LRRN4: variants seen among roughly 807,000 people sequenced by gnomAD.
The protein encoded by LRRN4 is leucine-rich repeat neuronal protein 4.
LRRN4 carries 26 observed loss-of-function variants against 22.3 expected under a neutral mutation model. That is an observed-to-expected ratio of 1.16 (90% CI 0.85 to 1.62). The LOEUF is 1.62. Ranked by LOEUF, LRRN4 falls within the 40% of genes most tolerant of loss-of-function variation. LRRN4 has a pLI of 0.00. For synonymous variants in LRRN4, 496 were observed against 486.2 expected (o/e 1.02, Z -0.26); for missense variants, 1,070 against 1,008.5 (o/e 1.06, Z -0.83).
rs779819405 is a variant in LRRN4 at position 6,041,004 on chromosome 20, G to A, written c.*18C>T. 11 of 1,612,838 alleles carry A rather than the reference G, an allele frequency of 6.8e-6. 1 individual carries two copies. In the Middle Eastern group the frequency reaches 1.3e-3, roughly 194 times the overall value. ...GCTCAGATCCAGTTCGATGAGACGCGTTATCCCAGAAGCTGGGCTAACTGA... is the reference window on the plus strand; with the variant it reads ...GCTCAGATCCAGTTCGATGAGACGCATTATCCCAGAAGCTGGGCTAACTGA... On this transcript the variant is annotated 3_prime_UTR_variant, in exon 5 of 5. Transcript: ENST00000378858. The surrounding 1 kb of genome is among the most constrained non-coding windows in gnomAD (Gnocchi z 9.4).
intron 2 of LRRN4, 65 bp downstream of exon 2, chr20:6,052,080 C>G (rs978667330): frequency 6.6e-6 from 10 of 1,507,996 alleles, no homozygotes; most frequent in Non-Finnish European, 8.0e-6. Context: ...CCCTGCCCCC[C>G]GGAGCGCACG....
intron 3 of LRRN4, 142 bp downstream of exon 3, chr20:6,050,637 G>T (rs1194781447): frequency 1.1e-5 from 9 of 855,518 alleles, no homozygotes; most frequent in Non-Finnish European, 1.7e-5. Context: ...ATCACCCAAA[G>T]GGTGGGGGAA....
rs904813846 is a variant in LRRN4 at position 6,049,587 on chromosome 20, A to G, written c.860+1192T>C. Among the ~76,000 whole-genome samples the G allele has an allele frequency of 3.9e-5, 6 of 151,990 alleles. No individual in the cohort carries two copies. The East Asian group carries it at 1.2e-3, about 29-fold the overall frequency. On this transcript the variant is annotated intron_variant, in intron 3 of 4. Coordinates refer to ENST00000378858, the MANE Select transcript of LRRN4 (RefSeq NM_152611.5). ...GCAATCTCAGCTCACTGCAACCTCC[A>G]CTTCCCAGGATCAAGCAATTCTCCT...
intron 4 of LRRN4, among the ~76,000 whole-genome samples, chr20:6,044,029 C>T (rs1484331264): frequency 6.6e-6 from 1 of 152,140 alleles, no homozygotes; most frequent in African/African-American, 2.4e-5. Flanking sequence ...TCCCAGCCCC[C>T]CAGCTCCCAC....
intron 2 of LRRN4, 142 bp downstream of exon 2, chr20:6,052,003 T>C (rs1449393226): frequency 1.2e-5 from 12 of 1,016,752 alleles, no homozygotes; most frequent in Middle Eastern, 3.2e-4. Context: ...TCGAAAAATG[T>C]AGCTGGTGTC....
Position 6,041,651 on chromosome 20 carries a change from C to T in LRRN4, c.1594G>A (p.Glu532Lys), listed in dbSNP as rs962358023. Reference sequence around the variant, plus strand: ...GTTCCCACCTCCTCCTTCCTCCCTTCCTCCTCCTCACTGTAGTCGTCCAGC... The same window carrying T: ...GTTCCCACCTCCTCCTTCCTCCCTTTCTCCTCCTCACTGTAGTCGTCCAGC... Reference protein sequence around the residue: ...LLLDDYSEEEEGRKEEVGTPH... With the variant: ...LLLDDYSEEEKGRKEEVGTPH... Residue 532 changes from glutamate (E) to lysine (K), a missense_variant, in exon 5 of 5, where the codon GAA (glutamate) becomes AAA (lysine). Glu to Lys is a moderately conservative substitution (Grantham distance 56). Coordinates refer to ENST00000378858, the MANE Select transcript of LRRN4 (RefSeq NM_152611.5). This position sits in a 1 kb window ranked among gnomAD's most constrained non-coding sequence, Gnocchi z 9.4. The T allele has an allele frequency of 5.0e-6, 8 of 1,607,916 alleles. No homozygotes were observed. Among genetic ancestry groups the T allele is most frequent in the Non-Finnish European group, 6.8e-6 (8 of 1,176,428 alleles).
At chr20:6,047,883 G>T (rs1946014092) in intron 3 of LRRN4, among the ~76,000 whole-genome samples, 1 of 152,022 alleles carries the variant, frequency 6.6e-6, no homozygotes, top group Non-Finnish European at 1.5e-5. Flanking sequence ...TCTAAAATGG[G>T]GCCTGTGAAG....
intron 2 of LRRN4, among the ~76,000 whole-genome samples, chr20:6,051,205 G>A (rs1214708913): frequency 6.6e-6 from 1 of 152,230 alleles, no homozygotes; most frequent in Non-Finnish European, 1.5e-5. Flanking sequence ...AGTCGGCCAA[G>A]GCCAGAGAGG....
Position 6,042,190 on chromosome 20 carries a change from G to A in LRRN4, c.1055C>T (p.Ser352Phe). The A allele has an allele frequency of 1.9e-6, 3 of 1,614,044 alleles. No individual in the cohort carries two copies. The highest frequency in any genetic ancestry group is 1.7e-6 in the Non-Finnish European group (2 of 1,180,010). ...TCCGGGCAGCTGGGAGAGTGACAGGGAGGCTGAGAAGGGGCCGCTGGATCC... is the reference window on the plus strand; with the variant it reads ...TCCGGGCAGCTGGGAGAGTGACAGGAAGGCTGAGAAGGGGCCGCTGGATCC... ...AAGSSGPFSA[S>F]LSLSQLPGVC... Residue 352 changes from serine (S) to phenylalanine (F), a missense_variant, in exon 5 of 5, where the codon TCC (serine) becomes TTC (phenylalanine). By Grantham distance (155) the Ser-to-Phe change is radical (BLOSUM62 -2). Transcript: ENST00000378858.
At chr20:6,044,505 C>T (rs758661010) in intron 4 of LRRN4, 38 bp downstream of exon 4, 1 of 1,424,286 alleles carries the variant, frequency 7.0e-7, no homozygotes, top group Non-Finnish European at 9.3e-7. Context: ...TGAAGGCTGA[C>T]CCTCTGCCCT....
At chr20:6,042,289 G>A in intron 4 of LRRN4, 43 bp from the exon 5 acceptor site, 1 of 1,565,822 alleles carries the variant, frequency 6.4e-7, no homozygotes, top group Non-Finnish European at 8.6e-7. Context: ...TGGCTTCAGG[G>A]ACACTTCTGC....
intron 3 of LRRN4, among the ~76,000 whole-genome samples, chr20:6,047,428 AC>A (rs1568641498): frequency 2.2e-5 from 1 of 45,540 alleles, no homozygotes; most frequent in Non-Finnish European, 3.8e-5. Context: ...ACACACATAC[AC>A]ACACACACAC....
intron 4 of LRRN4, among the ~76,000 whole-genome samples, chr20:6,044,183 C>T (rs556522539): frequency 8.2e-4 from 125 of 152,324 alleles, no homozygotes; most frequent in Non-Finnish European, 1.5e-3. Flanking sequence ...AGGCCAGGCT[C>T]CATCTTGAAG....
intron 2 of LRRN4, among the ~76,000 whole-genome samples, chr20:6,051,814 G>T (rs556521356): frequency 6.6e-5 from 10 of 152,300 alleles, no homozygotes; most frequent in Admixed American, 5.9e-4. Flanking sequence ...GAACAGAGTG[G>T]TTAAAGTTTT....
At chr20:6,044,454 T>C in intron 4 of LRRN4, 89 bp downstream of exon 4, 1 of 1,270,736 alleles carries the variant, frequency 7.9e-7, no homozygotes, top group Non-Finnish European at 1.0e-6. Context: ...GTGCCAAGCA[T>C]GGTCACATGA....
chr20:6,050,248 A>G (rs967256535), intron 3 of LRRN4, among the ~76,000 whole-genome samples: 4 of 152,260 alleles, frequency 2.6e-5, no homozygotes, highest in East Asian at 3.8e-4. Context: ...GAATGAGTGA[A>G]TGGTTCTGCC....
chr20:6,047,263 C>G (rs1180866044), intron 3 of LRRN4, among the ~76,000 whole-genome samples: 1 of 152,104 alleles, frequency 6.6e-6, no homozygotes, highest in South Asian at 2.1e-4. Context: ...TCTCCATTTG[C>G]TCTCCTGAAT....
rs1476460576 is a variant in LRRN4, at chr20:6,045,061, TTGAG to T, written c.861-385_861-382del. Among the ~76,000 whole-genome samples, 4 of 149,538 alleles carry T rather than the reference TTGAG, an allele frequency of 2.7e-5. 1 individual carries two copies. Among genetic ancestry groups the T allele is most frequent in the African/African-American group, 9.7e-5 (4 of 41,098 alleles). ...AGGAAGAGGATTACATTTTTTTTCT[TTGAG>T]TAACACCGTTGAGTCCTTTACTTAC... is the stretch of plus-strand genomic sequence containing the variant. On this transcript the variant is annotated intron_variant, in intron 3 of 4. Coordinates refer to ENST00000378858, the MANE Select transcript of LRRN4 (RefSeq NM_152611.5).
chr20:6,052,705 TGA>T lies in LRRN4; in HGVS notation c.93_94del (p.Gln32AlafsTer185). ...GCCACTGCTCCCCCAGGGGCCCTGC[TGA>T]GTGACCCGGAAGAGCGGGACCTTCT... On this transcript the variant is annotated frameshift_variant, in exon 2 of 5. Coordinates refer to ENST00000378858, the MANE Select transcript of LRRN4 (RefSeq NM_152611.5). LOFTEE classifies it high-confidence loss of function. 1 of 1,571,648 alleles carries T rather than the reference TGA, an allele frequency of 6.4e-7. No homozygotes were observed. The highest frequency in any genetic ancestry group is 1.7e-4 in the Middle Eastern group (1 of 6,028).
Sources: gnomAD v4.1 joint callset for allele counts (sites outside exome capture counted in the v4.1 genomes callset) on GRCh38, gnomAD v4.1.1 for gene constraint, Gnocchi (gnomAD v3.1) non-coding constraint, MANE v1.5 for transcripts, NCBI Gene and HGNC (gene_info 2026-07-23, HGNC 2026-07-21) for gene names.